The following EML4 variants were observed in gnomAD, a reference collection of about 807,000 sequenced individuals.
The protein encoded by EML4 is EMAP like 4, also known as echinoderm microtubule-associated protein-like 4.
EML4 carries 72 observed loss-of-function variants against 129.0 expected under a neutral mutation model. The observed-to-expected ratio is 0.56, with a 90% CI of 0.46 to 0.68. EML4 has a LOEUF of 0.68. EML4 is among the 30% of genes least tolerant of loss of function. The pLI, the probability that EML4 is intolerant of heterozygous loss-of-function variation, is 0.00. For missense variants in EML4, 1,363 were observed against 1,190.6 expected (o/e 1.14, Z -2.13); for synonymous variants, 532 against 405.0 (o/e 1.31, Z -3.77).
At chr2:42,215,653 C>T (rs1673141798) in intron 1 of EML4, among the ~76,000 whole-genome samples, 1 of 152,092 alleles carries the variant, frequency 6.6e-6, no homozygotes, top group African/African-American at 2.4e-5. Flanking sequence ...TGTTATCAAC[C>T]TGTTTTCTGG....
intron 3 of EML4, among the ~76,000 whole-genome samples, chr2:42,259,164 T>C (rs1178021204): frequency 1.3e-5 from 2 of 151,928 alleles, no homozygotes; most frequent in Non-Finnish European, 2.9e-5. Flanking sequence ...GGAGAATTGC[T>C]TGAACCTTGG....
chr2:42,303,484 G>A (rs755806475), intron 16 of EML4, 38 bp downstream of exon 16: 1 of 1,602,344 alleles, frequency 6.2e-7, no homozygotes, highest in South Asian at 1.1e-5. Flanking sequence ...CCTCCCCACA[G>A]AAACTCCTCA....
intron 6 of EML4, among the ~76,000 whole-genome samples, chr2:42,266,220 GCTGGCATTCTTCTTTAGTAGGT>G (rs1666056772): frequency 6.6e-6 from 1 of 152,084 alleles, no homozygotes; most frequent in South Asian, 2.1e-4. Flanking sequence ...GTTGAATTTT[GCTGGCATTCTTCTTTAGTAGGT>G]CTTACTTTCT....
intron 21 of EML4, among the ~76,000 whole-genome samples, chr2:42,328,554 T>A (rs1332524782): frequency 2.0e-5 from 3 of 152,204 alleles, no homozygotes; most frequent in Non-Finnish European, 4.4e-5. Context: ...CCAGAAACTT[T>A]AAAAAGGAAG....
intron 21 of EML4, among the ~76,000 whole-genome samples, chr2:42,327,333 T>C (rs1037409231): frequency 6.6e-6 from 1 of 152,218 alleles, no homozygotes; most frequent in Non-Finnish European, 1.5e-5. Flanking sequence ...TGTGTAGACA[T>C]GTTTTCATTT....
At position 42,256,475 on chromosome 2, in the gene EML4, T is replaced by A. The variant is rs757226196; in HGVS notation, c.209-26T>A. Reference sequence around the variant, plus strand: ...TTAAGGAATATATTCAAATTTGATATAATTTTTTTCCTTAATTATCTTTAG... The same window carrying A: ...TTAAGGAATATATTCAAATTTGATAAAATTTTTTTCCTTAATTATCTTTAG... On this transcript the variant is annotated intron_variant, in intron 2 of 22. Transcript: ENST00000318522. The A allele has an allele frequency of 2.5e-6, 4 of 1,569,530 alleles. No homozygotes were observed. The South Asian group carries it at 4.8e-5, about 19-fold the overall frequency.
chr2:42,254,397 G>A (rs907706211), intron 2 of EML4, among the ~76,000 whole-genome samples: 2 of 151,314 alleles, frequency 1.3e-5, no homozygotes, highest in Non-Finnish European at 2.9e-5. Flanking sequence ...GGCCGTGGCA[G>A]CAGTGAGCCA....
At chr2:42,234,040 C>A (rs1223734011) in intron 1 of EML4, among the ~76,000 whole-genome samples, 1 of 152,238 alleles carries the variant, frequency 6.6e-6, no homozygotes, top group African/African-American at 2.4e-5. Context: ...TCATGCTTTT[C>A]TGCTGCCTAG....
intron 10 of EML4, among the ~76,000 whole-genome samples, chr2:42,286,963 C>G (rs1373003466): frequency 6.6e-6 from 1 of 152,146 alleles, no homozygotes; most frequent in African/African-American, 2.4e-5. Flanking sequence ...CAAGATCTTA[C>G]TCATTTAAAC....
chr2:42,287,914 A>G (rs918300790), intron 10 of EML4, among the ~76,000 whole-genome samples: 3 of 152,162 alleles, frequency 2.0e-5, no homozygotes, highest in Admixed American at 1.3e-4. Flanking sequence ...AGAAGGAAGC[A>G]TAAGATGCAG....
At chr2:42,200,380 C>G (rs1345324672) in intron 1 of EML4, among the ~76,000 whole-genome samples, 1 of 151,892 alleles carries the variant, frequency 6.6e-6, no homozygotes, top group African/African-American at 2.4e-5. Flanking sequence ...AGAATTTCAA[C>G]AAAAATTATG....
At chr2:42,280,996 C>T in intron 7 of EML4, 23 bp downstream of exon 7, 2 of 1,538,508 alleles carry the variant, frequency 1.3e-6, no homozygotes, top group East Asian at 4.6e-5. Flanking sequence ...ACCATGACAG[C>T]AAATTCATTT....
At chr2:42,175,569 GCTCACTGCAACTTCTGCCTC>G (rs1325173398) in intron 1 of EML4, among the ~76,000 whole-genome samples, 1 of 151,868 alleles carries the variant, frequency 6.6e-6, no homozygotes, top group African/African-American at 2.4e-5. Flanking sequence ...CACAGTCTTG[GCTCACTGCAACTTCTGCCTC>G]CTGGATTCAA....
At chr2:42,319,136 T>C (rs1254319861) in intron 19 of EML4, among the ~76,000 whole-genome samples, 1 of 152,238 alleles carries the variant, frequency 6.6e-6, no homozygotes, top group East Asian at 1.9e-4. Context: ...TCAGAGAAGA[T>C]TAATGACTTG....
At chr2:42,173,444 A>G (rs7573216) in intron 1 of EML4, among the ~76,000 whole-genome samples, 112,924 of 152,046 alleles carry the variant, frequency 0.74, 42,962 homozygotes, top group African/African-American at 0.9. Context: ...TTTTCAACAT[A>G]TGTATGGATT....
intron 1 of EML4, among the ~76,000 whole-genome samples, chr2:42,191,414 A>G (rs976489356): frequency 1.3e-5 from 2 of 152,156 alleles, no homozygotes; most frequent in African/African-American, 4.8e-5. Context: ...AGTTTGAGAA[A>G]TTCTAAGGCA....
chr2:42,213,661 T>C (rs1673012136), intron 1 of EML4, among the ~76,000 whole-genome samples: 1 of 152,246 alleles, frequency 6.6e-6, no homozygotes, highest in Non-Finnish European at 1.5e-5. Flanking sequence ...AGCAGCGATA[T>C]GAATCTTTCC....
rs553903131 is a variant in EML4, at chr2:42,330,619, CTT to C, written c.*427_*428del. The C allele has an allele frequency of 0.013, 2,735 of 202,802 alleles. No individual in the cohort carries two copies. The highest frequency in any genetic ancestry group is 0.026 in the South Asian group (225 of 8,508). The allele number at this position is 202,802 out of a possible 1,614,324, so 12.6% of individuals were successfully genotyped here. Reference sequence around the variant, plus strand: ...TCATCTACTGGCTCAGACTGTACTACTTTTTTTTTTTTTTTTCCTGAAAAAGA... The same window carrying C: ...TCATCTACTGGCTCAGACTGTACTACTTTTTTTTTTTTTTCCTGAAAAAGA... On this transcript the variant is annotated 3_prime_UTR_variant, in exon 23 of 23. Transcript: ENST00000318522.
At chr2:42,177,589 C>G (rs1382509776) in intron 1 of EML4, among the ~76,000 whole-genome samples, 2 of 152,110 alleles carry the variant, frequency 1.3e-5, no homozygotes, top group Non-Finnish European at 1.5e-5. Context: ...CACTACTGGG[C>G]TCCAACCTGG....
Sources: gnomAD v4.1 joint callset for allele counts (sites outside exome capture counted in the v4.1 genomes callset) on GRCh38, gnomAD v4.1.1 for gene constraint, MANE v1.5 for transcripts, NCBI Gene and HGNC (gene_info 2026-07-23, HGNC 2026-07-21) for gene names.